Variants in MYO5A observed in about 807,000 individuals in gnomAD.
MYO5A encodes myosin VA.
A neutral mutation model predicts 249.7 loss-of-function variants in MYO5A; 98 were observed. The observed-to-expected ratio is 0.39, with a 90% confidence interval of 0.33 to 0.46. The LOEUF (loss-of-function observed/expected upper bound fraction) is 0.46, where lower values mean the gene tolerates loss of function less well. Among genes scored for constraint, MYO5A ranks in the 20% least tolerant of loss-of-function variants. The pLI is 0.98. For synonymous variants in MYO5A, 778 were observed against 810.6 expected (o/e 0.96, Z 0.68); for missense variants, 1,696 against 2,308.8 (o/e 0.73, Z 5.44).
At chr15:52,459,333 T>G (rs2141403497) in intron 1 of MYO5A, among the ~76,000 whole-genome samples, 1 of 152,086 alleles carries the variant, frequency 6.6e-6, no homozygotes, top group Non-Finnish European at 1.5e-5. Context: ...ACAGTGTTTG[T>G]GTCCCTGGGT....
Position 52,391,852 on chromosome 15 carries a change from C to G in MYO5A, c.1542+78G>C. On this transcript the variant is annotated intron_variant, in intron 12 of 41. Coordinates refer to ENST00000399233, the MANE Select transcript of MYO5A (RefSeq NM_001382347.1). ...GGCATTCCATGATATACTAATGAAT[C>G]TCTCCTTGAACCCACTTATCTTCTG... 2.1e-6 allele frequency: 3 copies of G among 1,448,404 alleles called. No homozygotes were observed. The South Asian group carries it at 3.5e-5, about 17-fold the overall frequency. The allele number at this position is 1,448,404 out of a possible 1,614,324, so 89.7% of individuals were successfully genotyped here.
intron 21 of MYO5A, 134 bp downstream of exon 21, chr15:52,371,990 T>G (rs561768658): frequency 3.5e-5 from 46 of 1,311,462 alleles, no homozygotes; most frequent in Admixed American, 8.9e-5. Flanking sequence ...ATGCCCATTA[T>G]GGAAATAAAT....
intron 4 of MYO5A, among the ~76,000 whole-genome samples, chr15:52,417,178 G>C (rs1279596940): frequency 6.6e-6 from 1 of 152,114 alleles, no homozygotes; most frequent in Admixed American, 6.6e-5. Flanking sequence ...TCACAACTAA[G>C]GATGAATCTG....
chr15:52,449,412 C>T (rs1459681204), intron 1 of MYO5A, among the ~76,000 whole-genome samples: 3 of 152,178 alleles, frequency 2.0e-5, no homozygotes, highest in Non-Finnish European at 4.4e-5. Flanking sequence ...ACTGCAAACA[C>T]CAGCTGGTTT....
chr15:52,322,218 C>T (rs8024412), intron 37 of MYO5A, among the ~76,000 whole-genome samples: 13,968 of 152,200 alleles, frequency 0.092, 1,981 homozygotes, highest in African/African-American at 0.31. Flanking sequence ...ATGACTGGTC[C>T]GAAAGTGGGG....
intron 32 of MYO5A, 93 bp from the exon 33 acceptor site, chr15:52,337,977 A>G: frequency 1.2e-6 from 1 of 838,834 alleles, no homozygotes; most frequent in Non-Finnish European, 1.9e-6. Context: ...ATATTTTAAA[A>G]TACAAATAGT....
chr15:52,475,955 C>G (rs1284120305), intron 1 of MYO5A, among the ~76,000 whole-genome samples: 1 of 152,120 alleles, frequency 6.6e-6, no homozygotes, highest in Non-Finnish European at 1.5e-5. Context: ...TATTAACTTT[C>G]TGTCTTGTGG....
chr15:52,361,222 T>G (rs1029925487), intron 24 of MYO5A, among the ~76,000 whole-genome samples: 1 of 152,206 alleles, frequency 6.6e-6, no homozygotes, highest in Non-Finnish European at 1.5e-5. Context: ...TCAAATTCAC[T>G]GTCTGTTTAC....
intron 1 of MYO5A, among the ~76,000 whole-genome samples, chr15:52,516,251 G>A (rs1332767996): frequency 6.6e-6 from 1 of 152,172 alleles, no homozygotes; most frequent in Admixed American, 6.5e-5. Context: ...GGGAGGGTTG[G>A]AAGGCAAGGA....
chr15:52,334,233 T>C (rs1383459926), intron 34 of MYO5A, among the ~76,000 whole-genome samples: 3 of 152,220 alleles, frequency 2.0e-5, no homozygotes, highest in Non-Finnish European at 2.9e-5. Context: ...TGTAAAATAA[T>C]GAATGGCTTT....
intron 11 of MYO5A, among the ~76,000 whole-genome samples, chr15:52,393,644 C>T (rs551902761): frequency 1.3e-5 from 2 of 152,194 alleles, no homozygotes; most frequent in Non-Finnish European, 2.9e-5. Flanking sequence ...CTGCCTGTCT[C>T]GGCCTCCCAA....
At chr15:52,331,845 T>G in intron 34 of MYO5A, 1 of 985,258 alleles carries the variant, frequency 1.0e-6, no homozygotes, top group Non-Finnish European at 1.2e-6. Flanking sequence ...ATCTAAAGAG[T>G]GGTCAGATTG....
rs563090963 is a variant in MYO5A at position 52,415,717 on chromosome 15, A to G, written c.612+428T>C. Among the ~76,000 whole-genome samples the G allele has an allele frequency of 4.5e-4, 68 of 152,360 alleles. 1 individual carries two copies. Among genetic ancestry groups the G allele is most frequent in the Non-Finnish European group, 4.0e-4 (27 of 68,036 alleles). Reference sequence around the variant, plus strand: ...TGAAATATGGGCAAAGGAATAAGGAAACTCATTCATACTTGAGCATAACAA... The same window carrying G: ...TGAAATATGGGCAAAGGAATAAGGAGACTCATTCATACTTGAGCATAACAA... On this transcript the variant is annotated intron_variant, in intron 5 of 41. Transcript: ENST00000399233.
At chr15:52,509,411 A>G (rs1038077646) in intron 1 of MYO5A, among the ~76,000 whole-genome samples, 5 of 152,214 alleles carry the variant, frequency 3.3e-5, no homozygotes. Flanking sequence ...TCTGTTTAAT[A>G]ATGCATCTTT....
At chr15:52,340,532 A>C in intron 31 of MYO5A, 138 bp from the exon 32 acceptor site, 7 of 744,268 alleles carry the variant, frequency 9.4e-6, no homozygotes, top group South Asian at 1.6e-5. Context: ...TGACTTGATT[A>C]AAGTCAAGAA....
chr15:52,480,167 A>T (rs994425214), intron 1 of MYO5A, among the ~76,000 whole-genome samples: 2 of 152,166 alleles, frequency 1.3e-5, no homozygotes, highest in African/African-American at 4.8e-5. Flanking sequence ...TTTCTACAAC[A>T]TGTCTACTTG....
chr15:52,371,402 C>T (rs2041106958), intron 21 of MYO5A, among the ~76,000 whole-genome samples: 1 of 152,212 alleles, frequency 6.6e-6, no homozygotes, highest in South Asian at 2.1e-4. Flanking sequence ...GATGCTTTTG[C>T]TATTTCAATG....
At chr15:52,342,871 G>A (rs954644395) in intron 31 of MYO5A, among the ~76,000 whole-genome samples, 13 of 151,264 alleles carry the variant, frequency 8.6e-5, no homozygotes, top group African/African-American at 3.2e-4. Context: ...AGCTGAGATC[G>A]CACCACTGCA....
chr15:52,491,013 C>A (rs1320853543), intron 1 of MYO5A, among the ~76,000 whole-genome samples: 1 of 152,040 alleles, frequency 6.6e-6, no homozygotes, highest in Non-Finnish European at 1.5e-5. Flanking sequence ...GAGCACCATG[C>A]CTGGCCTGGT....
Sources: gnomAD v4.1 joint callset for allele counts (sites outside exome capture counted in the v4.1 genomes callset) on GRCh38, gnomAD v4.1.1 for gene constraint, MANE v1.5 for transcripts, NCBI Gene and HGNC (gene_info 2026-07-23, HGNC 2026-07-21) for gene names.